The following NUFIP2 variants were observed in gnomAD, a reference collection of about 807,000 sequenced individuals.
NUFIP2 encodes FMR1-interacting protein NUFIP2.
In NUFIP2, 6 loss-of-function variants were observed where a neutral mutation model predicts 56.9. That is an observed-to-expected ratio of 0.11 (90% CI 0.06 to 0.21). The LOEUF (loss-of-function observed/expected upper bound fraction) is 0.21, where lower values mean the gene tolerates loss of function less well. Among genes scored for constraint, NUFIP2 ranks in the 10% least tolerant of loss-of-function variants. NUFIP2 has a pLI of 1.00. For synonymous variants in NUFIP2, 321 were observed against 298.2 expected (o/e 1.08, Z -0.79); for missense variants, 828 against 826.8 (o/e 1.00, Z -0.02).
Position 29,286,658 on chromosome 17 carries a change from T to A in NUFIP2, c.1336A>T (p.Ile446Phe), listed in dbSNP as rs766481070. ...LTTAANTLTP[I>F]SSGTDSVLQD... The stretch of plus-strand genomic sequence containing the variant: ...AGAACTGAATCTGTCCCAGAAGAGA[T>A]GGGTGTTAGAGTATTAGCAGCAGTA... Residue 446 changes from isoleucine (I) to phenylalanine (F), a missense_variant, in exon 2 of 4, where the codon ATC (isoleucine) becomes TTC (phenylalanine). Around this residue, in one of 3 missense-constraint regions of NUFIP2, gnomAD observed 404 missense variants for 380.3 expected, o/e 1.06. Transcript: ENST00000225388. The A allele has an allele frequency of 6.2e-7, 1 of 1,614,114 alleles. No individual in the cohort carries two copies. Among genetic ancestry groups the A allele is most frequent in the African/African-American group, 1.3e-5 (1 of 75,034 alleles).
rs1379725306 is a variant in NUFIP2 at position 29,256,126 on chromosome 17, A to C, written c.*8413T>G. 6.6e-6 allele frequency: 1 copy of C among 152,228 alleles called. No individual in the cohort carries two copies. Among genetic ancestry groups the C allele is most frequent in the Non-Finnish European group, 1.5e-5 (1 of 68,036 alleles). 9.4% of individuals were successfully genotyped at this position (152,228 alleles called of 1,614,324 possible). On this transcript the variant is annotated 3_prime_UTR_variant, in exon 4 of 4. Coordinates refer to ENST00000225388, the MANE Select transcript of NUFIP2 (RefSeq NM_020772.3). The stretch of plus-strand genomic sequence containing the variant: ...GTGACTGTTCTTATATGTAGAAAAG[A>C]CCTATATTTTTGACTGGGCAAAACA...
chr17:29,288,341 G>T (rs1352704260), intron 1 of NUFIP2, among the ~76,000 whole-genome samples: 3 of 152,216 alleles, frequency 2.0e-5, no homozygotes. Flanking sequence ...CACACGCCCG[G>T]CCTAAAATTT....
chr17:29,279,366 G>C (rs939738194), intron 2 of NUFIP2, among the ~76,000 whole-genome samples: 1 of 151,992 alleles, frequency 6.6e-6, no homozygotes, highest in Admixed American at 6.6e-5. Flanking sequence ...TTAAAATTCA[G>C]ATCATTTACA....
intron 2 of NUFIP2, among the ~76,000 whole-genome samples, chr17:29,284,226 T>C (rs564049824): frequency 1.3e-5 from 2 of 152,292 alleles, no homozygotes; most frequent in South Asian, 2.1e-4. Context: ...GCATGGAGCA[T>C]ACATTTCTGT....
rs550367513 is a variant in NUFIP2 at position 29,270,091 on chromosome 17, TG to T, written c.2003-2562del. On this transcript the variant is annotated intron_variant, in intron 2 of 3. Transcript: ENST00000225388. ...TTGAAAATTTGTCAGATCCATATAC[TG>T]GGATCAATTAATAATTCAGGATGAA... Among the ~76,000 whole-genome samples the T allele has an allele frequency of 1.7e-4, 26 of 152,242 alleles. No individual in the cohort carries two copies. The East Asian group carries it at 4.8e-3, about 28-fold the overall frequency.
rs1432893332 is a variant in NUFIP2, at chr17:29,263,873, G to A, written c.*666C>T. ...AACTTCAATGCCCTCCCCTATCCCC[G>A]CCCCACAAAAAATAAATGGAAAGAA... On this transcript the variant is annotated 3_prime_UTR_variant, in exon 4 of 4. Coordinates refer to ENST00000225388, the MANE Select transcript of NUFIP2 (RefSeq NM_020772.3). The A allele has an allele frequency of 5.9e-5, 9 of 151,668 alleles. No individual in the cohort carries two copies. The highest frequency in any genetic ancestry group is 3.9e-4 in the East Asian group (2 of 5,176). 9.4% of individuals were successfully genotyped at this position (151,668 alleles called of 1,614,324 possible).
chr17:29,277,740 C>T lies in NUFIP2; in HGVS notation c.2002+8252G>A, dbSNP rs543395783. On this transcript the variant is annotated intron_variant, in intron 2 of 3. Coordinates refer to ENST00000225388, the MANE Select transcript of NUFIP2 (RefSeq NM_020772.3). ...ATATAGCATGTTTTCCGGCCAGGTGCGGTGGCTTATGGTTGTAATCCCAGC... is the reference window on the plus strand; with the variant it reads ...ATATAGCATGTTTTCCGGCCAGGTGTGGTGGCTTATGGTTGTAATCCCAGC... 1.2e-4 allele frequency among the ~76,000 whole-genome samples: 18 copies of T among 152,170 alleles called. 1 individual carries two copies. The South Asian group carries it at 2.7e-3, about 23-fold the overall frequency.
chr17:29,275,420 C>A (rs1567678153), intron 2 of NUFIP2, among the ~76,000 whole-genome samples: 1 of 152,192 alleles, frequency 6.6e-6, no homozygotes, highest in East Asian at 1.9e-4. Context: ...CAAGGAACAA[C>A]ATTTGAGAAA....
intron 2 of NUFIP2, among the ~76,000 whole-genome samples, chr17:29,272,837 ATTC>A (rs1555548102): frequency 2.0e-5 from 3 of 150,660 alleles, no homozygotes; most frequent in African/African-American, 2.4e-5. Flanking sequence ...TCAGTAACTG[ATTC>A]TTTTTTTTTT....
intron 2 of NUFIP2, among the ~76,000 whole-genome samples, chr17:29,273,601 T>C (rs748335825): frequency 6.6e-6 from 1 of 152,186 alleles, no homozygotes; most frequent in Non-Finnish European, 1.5e-5. Context: ...CAAATATTTA[T>C]TGAGAAATGC....
intron 2 of NUFIP2, among the ~76,000 whole-genome samples, chr17:29,272,393 A>G (rs2069080251): frequency 6.6e-6 from 1 of 151,856 alleles, no homozygotes; most frequent in Non-Finnish European, 1.5e-5. Context: ...GGCGCATGCC[A>G]CCAAGCCCGG....
intron 2 of NUFIP2, among the ~76,000 whole-genome samples, chr17:29,274,762 G>C (rs1215695260): frequency 2.6e-5 from 4 of 152,004 alleles, no homozygotes; most frequent in African/African-American, 9.7e-5. Context: ...ATTCTTCCAG[G>C]TAATGAACAG....
intron 1 of NUFIP2, among the ~76,000 whole-genome samples, 188 bp from the exon 2 acceptor site, chr17:29,287,904 T>C (rs2069188050): frequency 6.6e-6 from 1 of 152,188 alleles, no homozygotes; most frequent in African/African-American, 2.4e-5. Flanking sequence ...TGCAACCTAC[T>C]GCTAAGCAAA....
chr17:29,265,059 C>T (rs543967852), intron 3 of NUFIP2, among the ~76,000 whole-genome samples: 2 of 152,234 alleles, frequency 1.3e-5, no homozygotes, highest in Admixed American at 6.5e-5. Context: ...AAAAACTTGA[C>T]GTTAAATTAA....
At position 29,293,776 on chromosome 17, in the gene NUFIP2, C is replaced by T; in HGVS notation, c.277+7G>A. ...CCCCCTTCCCCCACCCGTCCTCCCT[C>T]CCAGACCTGTTTTCTTCTTCGGCGT... On this transcript the variant is annotated splice_region_variant and intron_variant, in intron 1 of 3. Transcript: ENST00000225388. 3 of 1,516,258 alleles carry T rather than the reference C, an allele frequency of 2.0e-6. No homozygotes were observed. The highest frequency in any genetic ancestry group is 2.7e-6 in the Non-Finnish European group (3 of 1,114,670). The allele number at this position is 1,516,258 out of a possible 1,614,324, so 93.9% of individuals were successfully genotyped here.
Position 29,281,853 on chromosome 17 carries a change from CTCCCGGGT to C in NUFIP2, c.2002+4131_2002+4138del, listed in dbSNP as rs568042660. On this transcript the variant is annotated intron_variant, in intron 2 of 3. Coordinates refer to ENST00000225388, the MANE Select transcript of NUFIP2 (RefSeq NM_020772.3). Reference sequence around the variant, plus strand: ...GATCTCAGCTCACTGCAACTTCCACCTCCCGGGTTCACGCCATTCTCCTGCCTCAGCCT... The same window carrying C: ...GATCTCAGCTCACTGCAACTTCCACCTCACGCCATTCTCCTGCCTCAGCCT... 3.1e-4 allele frequency among the ~76,000 whole-genome samples: 47 copies of C among 151,836 alleles called. 1 individual carries two copies. In the East Asian group the frequency reaches 8.0e-3, roughly 26 times the overall value.
chr17:29,271,788 T>C (rs1391877598), intron 2 of NUFIP2, among the ~76,000 whole-genome samples: 1 of 151,792 alleles, frequency 6.6e-6, no homozygotes, highest in Non-Finnish European at 1.5e-5. Context: ...AGAAATGACA[T>C]GGCCGGGCGC....
chr17:29,291,474 A>C (rs1434395603), intron 1 of NUFIP2, among the ~76,000 whole-genome samples: 1 of 152,242 alleles, frequency 6.6e-6, no homozygotes, highest in African/African-American at 2.4e-5. Context: ...TCAAAGCAAC[A>C]GTACTGTGAC....
chr17:29,279,542 G>GT (rs1206408448), intron 2 of NUFIP2, among the ~76,000 whole-genome samples: 2 of 152,090 alleles, frequency 1.3e-5, no homozygotes, highest in African/African-American at 4.8e-5. Flanking sequence ...ACCAACTGTT[G>GT]TATGTTTTTG....
Sources: gnomAD v4.1 joint callset for allele counts (sites outside exome capture counted in the v4.1 genomes callset) on GRCh38, gnomAD v4.1.1 for gene constraint, gnomAD v4.1.1 regional missense constraint, MANE v1.5 for transcripts, NCBI Gene and HGNC (gene_info 2026-07-23, HGNC 2026-07-21) for gene names.